The following RNF216 variants were observed in gnomAD, a reference collection of about 807,000 sequenced individuals.
The protein encoded by RNF216 is ring finger protein 216, also known as E3 ubiquitin-protein ligase RNF216.
Under a neutral mutation model 110.8 loss-of-function variants are expected in RNF216, and 72 were observed. The observed-to-expected ratio is 0.65, with a 90% CI of 0.54 to 0.79. The LOEUF (loss-of-function observed/expected upper bound fraction) is 0.79. Among genes scored for constraint, RNF216 ranks in the 30% least tolerant of loss-of-function variants. The pLI is 0.00. For synonymous variants in RNF216, 495 were observed against 407.5 expected (o/e 1.21, Z -2.59); for missense variants, 1,342 against 1,141.2 (o/e 1.18, Z -2.54).
At chr7:5,650,619 G>A (rs547156924) in intron 14 of RNF216, among the ~76,000 whole-genome samples, 21 of 152,112 alleles carry the variant, frequency 1.4e-4, no homozygotes, top group Non-Finnish European at 2.2e-4. Context: ...AACTTCTACA[G>A]GCTACCTCAA....
At position 5,680,790 on chromosome 7, in the gene RNF216, C is replaced by T. The variant is rs887751679; in HGVS notation, c.2062-28280G>A. Among the ~76,000 whole-genome samples the T allele has an allele frequency of 2.6e-5, 4 of 152,154 alleles. No homozygotes were observed. The highest frequency in any genetic ancestry group is 7.2e-5 in the African/African-American group (3 of 41,444). ...CTGGCCCCTGGGCTCCCCTGTATCC[C>T]TGAAGGACACAGCCACCCACTGGCT... On this transcript the variant is annotated intron_variant, in intron 13 of 16. Coordinates refer to ENST00000389902, the MANE Select transcript of RNF216 (RefSeq NM_207111.4). The surrounding 1 kb of genome is among the most constrained non-coding windows in gnomAD (Gnocchi z 4.3).
At chr7:5,767,301 G>A (rs1038355718) in intron 1 of RNF216, among the ~76,000 whole-genome samples, 1 of 152,152 alleles carries the variant, frequency 6.6e-6, no homozygotes, top group African/African-American at 2.4e-5. Context: ...GTCTCCTGAA[G>A]GCATATGCCA....
At chr7:5,670,979 G>C (rs1027744225) in intron 13 of RNF216, among the ~76,000 whole-genome samples, 1 of 152,118 alleles carries the variant, frequency 6.6e-6, no homozygotes, top group African/African-American at 2.4e-5. Context: ...TGAACTGCTT[G>C]GTTCCGGGGG....
chr7:5,667,156 C>G (rs1209607928), intron 13 of RNF216, among the ~76,000 whole-genome samples: 1 of 152,182 alleles, frequency 6.6e-6, no homozygotes, highest in Non-Finnish European at 1.5e-5. Context: ...GTTGTAAAGT[C>G]ACTTCAGTAG....
At chr7:5,671,296 A>G (rs1417293852) in intron 13 of RNF216, among the ~76,000 whole-genome samples, 1 of 152,088 alleles carries the variant, frequency 6.6e-6, no homozygotes, top group Non-Finnish European at 1.5e-5. Context: ...CCTGCTTTCT[A>G]TTGTTTTCCC....
At chr7:5,690,327 CAAAA>C (rs200036930) in intron 13 of RNF216, among the ~76,000 whole-genome samples, 1 of 100,386 alleles carries the variant, frequency 1.0e-5, no homozygotes. Flanking sequence ...AATTCCATCT[CAAAA>C]AAAAAAAAAA....
intron 1 of RNF216, among the ~76,000 whole-genome samples, chr7:5,781,146 C>T (rs913782159): frequency 3.9e-5 from 6 of 152,212 alleles, no homozygotes; most frequent in African/African-American, 1.2e-4. Context: ...GCCCGCCTCC[C>T]GCCGCTCCTC....
intron 15 of RNF216, among the ~76,000 whole-genome samples, chr7:5,629,021 A>G (rs1335222054): frequency 2.6e-5 from 4 of 151,634 alleles, no homozygotes; most frequent in Admixed American, 6.6e-5. Context: ...AACACGGTGA[A>G]ACCCCATCTC....
intron 5 of RNF216, among the ~76,000 whole-genome samples, chr7:5,736,170 C>T (rs572195117): frequency 3.9e-4 from 60 of 152,268 alleles, no homozygotes; most frequent in African/African-American, 1.3e-3. Flanking sequence ...GATGCCCAGC[C>T]GAAGCTGGAC....
intron 5 of RNF216, among the ~76,000 whole-genome samples, chr7:5,736,503 C>T (rs539283385): frequency 6.6e-6 from 1 of 152,320 alleles, no homozygotes; most frequent in East Asian, 1.9e-4. Context: ...GCCTTGGCCT[C>T]CCAAAGTGCC....
In RNF216 at chr7:5,660,943, G is replaced by GTTTTTTTTTTTTT. The variant is rs1168463360; in HGVS notation, c.2062-8446_2062-8434dup. Among the ~76,000 whole-genome samples the GTTTTTTTTTTTTT allele has an allele frequency of 3.8e-4, 34 of 90,150 alleles. 1 individual carries two copies. Among genetic ancestry groups the GTTTTTTTTTTTTT allele is most frequent in the Middle Eastern group, 0.015 (2 of 134 alleles). 59.1% of individuals were successfully genotyped at this position (90,150 alleles called of 152,430 possible). The stretch of plus-strand genomic sequence containing the variant: ...TAGCTCCATGCTCCTGAAGCCTTAG[G>GTTTTTTTTTTTTT]TTTTTTTTTTTTTTTTTTTTTTTTT... On this transcript the variant is annotated intron_variant, in intron 13 of 16. Coordinates refer to ENST00000389902, the MANE Select transcript of RNF216 (RefSeq NM_207111.4).
chr7:5,711,323 T>C (rs1329830109), intron 13 of RNF216, among the ~76,000 whole-genome samples: 1 of 152,188 alleles, frequency 6.6e-6, no homozygotes, highest in Non-Finnish European at 1.5e-5. Flanking sequence ...GTGATGGAGA[T>C]GCCACTAAGA....
intron 5 of RNF216, among the ~76,000 whole-genome samples, chr7:5,738,156 AAG>A (rs1213045018): frequency 2.0e-5 from 3 of 151,174 alleles, no homozygotes; most frequent in Non-Finnish European, 2.9e-5. Context: ...AAGGAGGGGA[AAG>A]AGTATATTTT....
intron 13 of RNF216, among the ~76,000 whole-genome samples, chr7:5,678,795 G>T (rs1226086638): frequency 6.6e-6 from 1 of 152,222 alleles, no homozygotes; most frequent in African/African-American, 2.4e-5. Context: ...TGACGGAGCA[G>T]ATTTCTCGAC....
chr7:5,735,092 G>A (rs1187628106), intron 5 of RNF216, among the ~76,000 whole-genome samples: 2 of 152,006 alleles, frequency 1.3e-5, no homozygotes, highest in Non-Finnish European at 2.9e-5. Flanking sequence ...GTTGCAGTGA[G>A]CCAGGATCAC....
chr7:5,733,871 A>G (rs1044088405), intron 5 of RNF216, among the ~76,000 whole-genome samples: 1 of 152,220 alleles, frequency 6.6e-6, no homozygotes, highest in South Asian at 2.1e-4. Flanking sequence ...ATTCACACAT[A>G]TAAGTTGCTT....
intron 2 of RNF216, among the ~76,000 whole-genome samples, chr7:5,753,392 T>G (rs1439156108): frequency 2.0e-5 from 3 of 152,174 alleles, no homozygotes; most frequent in African/African-American, 7.2e-5. Flanking sequence ...TAGTAAAATT[T>G]TAATTGTTTA....
At chr7:5,761,489 A>G (rs1461850026) in intron 1 of RNF216, among the ~76,000 whole-genome samples, 1 of 152,180 alleles carries the variant, frequency 6.6e-6, no homozygotes. Flanking sequence ...GGCAAATCAG[A>G]AAATGAATTA....
At chr7:5,764,701 A>T (rs1796109864) in intron 1 of RNF216, among the ~76,000 whole-genome samples, 1 of 152,132 alleles carries the variant, frequency 6.6e-6, no homozygotes, top group Admixed American at 6.6e-5. Context: ...GTAATAAAAT[A>T]TGATCTTTAG....
Sources: gnomAD v4.1 joint callset for allele counts (sites outside exome capture counted in the v4.1 genomes callset) on GRCh38, gnomAD v4.1.1 for gene constraint, Gnocchi (gnomAD v3.1) non-coding constraint, MANE v1.5 for transcripts, NCBI Gene and HGNC (gene_info 2026-07-23, HGNC 2026-07-21) for gene names.